Variants in ZNF521 observed in about 807,000 individuals in gnomAD.
ZNF521 encodes LYST-interacting protein 3.
Under a neutral mutation model 105.5 loss-of-function variants are expected in ZNF521, and 14 were observed. The observed-to-expected ratio is 0.13, with a 90% confidence interval of 0.09 to 0.21. The LOEUF (loss-of-function observed/expected upper bound fraction) is 0.21, where lower values mean the gene tolerates loss of function less well. ZNF521 is among the 10% of genes least tolerant of loss of function. ZNF521 has a pLI of 1.00. For missense variants in ZNF521, 1,233 were observed against 1,629.7 expected (o/e 0.76, Z 4.19); for synonymous variants, 635 against 606.0 (o/e 1.05, Z -0.70).
intron 5 of ZNF521, among the ~76,000 whole-genome samples, chr18:25,192,386 A>G (rs1196265249): frequency 1.3e-5 from 2 of 152,152 alleles, no homozygotes; most frequent in African/African-American, 4.8e-5. Context: ...GCCTGAGACC[A>G]GCACATCCAG....
Position 25,257,452 on chromosome 18 carries a change from C to A in ZNF521, c.221-29755G>T, listed in dbSNP as rs565718159. Among the ~76,000 whole-genome samples, 5 of 152,274 alleles carry A rather than the reference C, an allele frequency of 3.3e-5. No homozygotes were observed. In the East Asian group the frequency reaches 9.7e-4, roughly 29 times the overall value. ...TAAATACATAACTTCCTGTCTGAACCTTCGTTTCCTTTCTTGGTAAGTTCA... is the reference window on the plus strand; with the variant it reads ...TAAATACATAACTTCCTGTCTGAACATTCGTTTCCTTTCTTGGTAAGTTCA... On this transcript the variant is annotated intron_variant, in intron 3 of 7. Coordinates refer to ENST00000361524, the MANE Select transcript of ZNF521 (RefSeq NM_015461.3).
At chr18:25,279,709 C>T (rs764908166) in intron 3 of ZNF521, among the ~76,000 whole-genome samples, 1 of 152,174 alleles carries the variant, frequency 6.6e-6, no homozygotes, top group Non-Finnish European at 1.5e-5. Flanking sequence ...TTTAACTTCA[C>T]ATTATGGGAA....
chr18:25,125,274 C>T (rs2034517940), intron 5 of ZNF521, among the ~76,000 whole-genome samples: 1 of 152,048 alleles, frequency 6.6e-6, no homozygotes, highest in Non-Finnish European at 1.5e-5. Flanking sequence ...TTATATTTAT[C>T]TAATTTATTG....
At chr18:25,244,819 T>C (rs1907595659) in intron 3 of ZNF521, among the ~76,000 whole-genome samples, 1 of 152,198 alleles carries the variant, frequency 6.6e-6, no homozygotes, top group African/African-American at 2.4e-5. Flanking sequence ...CCTCACCCCA[T>C]TGCTGGGGAT....
chr18:25,178,685 G>T (rs534848309), intron 5 of ZNF521, among the ~76,000 whole-genome samples: 9 of 152,144 alleles, frequency 5.9e-5, no homozygotes, highest in Non-Finnish European at 1.2e-4. Flanking sequence ...ACTTATAATG[G>T]AAAGATATAA....
intron 3 of ZNF521, among the ~76,000 whole-genome samples, chr18:25,266,777 G>C (rs1909287645): frequency 6.6e-6 from 1 of 152,148 alleles, no homozygotes; most frequent in South Asian, 2.1e-4. Context: ...TTCCCTCCTG[G>C]GGGTGCCTAC....
At chr18:25,349,628 T>C (rs1914621465) in intron 2 of ZNF521, among the ~76,000 whole-genome samples, 1 of 151,806 alleles carries the variant, frequency 6.6e-6, no homozygotes, top group South Asian at 2.1e-4. Context: ...CGCCGGGCCC[T>C]GCCCACCCCT....
intron 3 of ZNF521, among the ~76,000 whole-genome samples, chr18:25,274,792 G>C (rs1909924858): frequency 1.3e-5 from 2 of 152,182 alleles, no homozygotes; most frequent in African/African-American, 2.4e-5. Flanking sequence ...GTGGATGGGA[G>C]AGTTGTCATT....
chr18:25,128,326 G>A (rs998729294), intron 5 of ZNF521, among the ~76,000 whole-genome samples: 11 of 151,916 alleles, frequency 7.2e-5, no homozygotes, highest in African/African-American at 2.4e-4. Flanking sequence ...TCAATTTCAT[G>A]AAGAATATCT....
intron 3 of ZNF521, among the ~76,000 whole-genome samples, chr18:25,282,168 A>G (rs1334044891): frequency 1.3e-5 from 2 of 152,186 alleles, no homozygotes; most frequent in African/African-American, 4.8e-5. Flanking sequence ...TTTGGAAGGT[A>G]AACTTGAGAA....
intron 5 of ZNF521, among the ~76,000 whole-genome samples, chr18:25,136,067 A>G (rs2034727912): frequency 6.6e-6 from 1 of 152,200 alleles, no homozygotes. Flanking sequence ...ACATAAATCA[A>G]TAAGCTATTT....
intron 5 of ZNF521, among the ~76,000 whole-genome samples, chr18:25,120,877 C>A (rs972004543): frequency 6.6e-6 from 1 of 152,120 alleles, no homozygotes; most frequent in African/African-American, 2.4e-5. Flanking sequence ...TTCACCTTCA[C>A]TCTGCAGTAA....
intron 6 of ZNF521, among the ~76,000 whole-genome samples, chr18:25,089,902 T>C (rs925848249): frequency 6.6e-6 from 1 of 152,178 alleles, no homozygotes; most frequent in Non-Finnish European, 1.5e-5. Flanking sequence ...TGACTCCTAT[T>C]TCTCAGCAAC....
Position 25,062,694 on chromosome 18 carries a change from T to C in ZNF521, c.*18A>G. On this transcript the variant is annotated 3_prime_UTR_variant, in exon 8 of 8. Transcript: ENST00000361524. ...TTTGTGCCACAAAATCAATTCTCCT[T>C]GAGAGACTGTACTTGCACTAACTGC... 2 of 1,567,548 alleles carry C rather than the reference T, an allele frequency of 1.3e-6. No individual in the cohort carries two copies. Among genetic ancestry groups the C allele is most frequent in the Non-Finnish European group, 1.7e-6 (2 of 1,164,172 alleles).
intron 7 of ZNF521, among the ~76,000 whole-genome samples, chr18:25,066,810 CTG>C (rs1049963693): frequency 3.2e-4 from 49 of 152,336 alleles, no homozygotes; most frequent in African/African-American, 1.2e-3. Context: ...AGCCTTCTCT[CTG>C]TGCAAGAGTT....
intron 3 of ZNF521, among the ~76,000 whole-genome samples, chr18:25,243,963 G>A (rs1907527161): frequency 6.6e-6 from 1 of 152,114 alleles, no homozygotes; most frequent in Non-Finnish European, 1.5e-5. Context: ...GCTCTGTGAT[G>A]ATATGAATCT....
chr18:25,284,512 C>T (rs1910573524), intron 3 of ZNF521, among the ~76,000 whole-genome samples: 1 of 151,960 alleles, frequency 6.6e-6, no homozygotes, highest in East Asian at 1.9e-4. Context: ...CAAAAAATAC[C>T]CAAGTATTTC....
At chr18:25,098,481 G>T (rs2033899497) in intron 5 of ZNF521, among the ~76,000 whole-genome samples, 1 of 151,748 alleles carries the variant, frequency 6.6e-6, no homozygotes, top group Non-Finnish European at 1.5e-5. Context: ...ACCAGTTTTG[G>T]AAGGGCACTG....
chr18:25,110,437 G>C (rs1373034521), intron 5 of ZNF521, among the ~76,000 whole-genome samples: 1 of 119,644 alleles, frequency 8.4e-6, no homozygotes, highest in African/African-American at 3.0e-5. Flanking sequence ...TGGAAGGCAG[G>C]AGACCAAAAA....
Sources: allele counts gnomAD v4.1 joint callset (sites outside exome capture counted in the v4.1 genomes callset), GRCh38; gene constraint gnomAD v4.1.1; transcripts MANE v1.5; gene names NCBI Gene and HGNC (gene_info 2026-07-23, HGNC 2026-07-21).